MCM9: variants seen among roughly 807,000 people sequenced by gnomAD.
MCM9 encodes DNA helicase MCM9.
A neutral mutation model predicts 72.8 loss-of-function variants in MCM9; 55 were observed. That is an observed-to-expected ratio of 0.76 (90% confidence interval 0.61 to 0.95). The LOEUF is 0.95. Ranked by LOEUF, MCM9 falls within the 40% of genes least tolerant of loss-of-function variation. The pLI, the probability that MCM9 is intolerant of heterozygous loss-of-function variation, is 0.00. For missense variants in MCM9, 1,279 were observed against 1,377.0 expected, an observed-to-expected ratio of 0.93 and a Z score of 1.13; for synonymous variants, 480 against 503.4, an observed-to-expected ratio of 0.95 and a Z score of 0.62.
At chr6:118,907,596 C>G (rs768988715) in intron 8 of MCM9, 30 of 1,613,250 alleles carry the variant, frequency 1.9e-5, no homozygotes, top group Admixed American at 3.3e-5. Context: ...TGTTAGAATC[C>G]CACATGGACT....
intron 8 of MCM9, among the ~76,000 whole-genome samples, chr6:118,887,627 G>A (rs1778679727): frequency 6.6e-6 from 1 of 151,890 alleles, no homozygotes. Flanking sequence ...TAGATTAAAT[G>A]GGCATCATCA....
intron 9 of MCM9, among the ~76,000 whole-genome samples, chr6:118,839,563 A>T (rs1237618535): frequency 1.3e-5 from 2 of 152,128 alleles, no homozygotes; most frequent in East Asian, 3.9e-4. Flanking sequence ...TTGTGGATTT[A>T]TCTACCTACA....
chr6:118,930,182 C>T (rs1387883722), intron 3 of MCM9, among the ~76,000 whole-genome samples: 1 of 152,138 alleles, frequency 6.6e-6, no homozygotes, highest in Non-Finnish European at 1.5e-5. Context: ...GCGATCTCGG[C>T]TCACTGCAAG....
chr6:118,927,992 C>A (rs1267273509), intron 3 of MCM9, among the ~76,000 whole-genome samples: 1 of 152,226 alleles, frequency 6.6e-6, no homozygotes, highest in African/African-American at 2.4e-5. Flanking sequence ...CCTTTTGTGA[C>A]TGGCTTCCTG....
At position 118,815,920 on chromosome 6, in the gene MCM9, C is replaced by T. The variant is rs974602780; in HGVS notation, c.2336G>A (p.Ser779Asn). The change falls in exon 14 of 14, where the codon AGC (serine) becomes AAC (asparagine). Residue 779 changes from serine to asparagine, a missense_variant. Coordinates refer to ENST00000619706, the MANE Select transcript of MCM9 (RefSeq NM_017696.3). ...ACTCTTCTCCTTACCCTGAGATGTG[C>T]TGTTAGAGATCTTCGAAGCCATATT... ...GENMASKISN[S>N]TSQGKEKSEP... 6 of 1,547,924 alleles carry T rather than the reference C, an allele frequency of 3.9e-6. No individual in the cohort carries two copies.
intron 8 of MCM9, among the ~76,000 whole-genome samples, chr6:118,857,861 T>C (rs1776663583): frequency 6.6e-6 from 1 of 152,150 alleles, no homozygotes; most frequent in Non-Finnish European, 1.5e-5. Context: ...AAATTAAATA[T>C]TTAAAAACCT....
chr6:118,921,701 C>T (rs1351309579), intron 5 of MCM9: 1 of 220,892 alleles, frequency 4.5e-6, no homozygotes, highest in Non-Finnish European at 8.8e-6. Flanking sequence ...TGAAAAGAGC[C>T]TTAAATTAGA....
At chr6:118,890,177 A>G (rs1203404506) in intron 8 of MCM9, among the ~76,000 whole-genome samples, 1 of 152,122 alleles carries the variant, frequency 6.6e-6, no homozygotes, top group Non-Finnish European at 1.5e-5. Flanking sequence ...TTTGTTCCTC[A>G]AGAGTTCATT....
intron 9 of MCM9, among the ~76,000 whole-genome samples, chr6:118,832,484 A>G (rs143934428): frequency 6.6e-6 from 1 of 152,366 alleles, no homozygotes; most frequent in East Asian, 1.9e-4. Flanking sequence ...ACAAATAAAA[A>G]TAAATCTTTA....
Position 118,826,266 on chromosome 6 carries a change from A to AT in MCM9, c.1841dup (p.Asn614LysfsTer9). 3 of 1,550,368 alleles carry AT rather than the reference A, an allele frequency of 1.9e-6. No individual in the cohort carries two copies. The South Asian group carries it at 3.6e-5, about 18-fold the overall frequency. Reference sequence around the variant, plus strand: ...TTTCAGGAAAGGAAGTGTGGAGGGCATTCACACCTCCTAGCAGTGCACCTC... The same window carrying AT: ...TTTCAGGAAAGGAAGTGTGGAGGGCATTTCACACCTCCTAGCAGTGCACCTC... On this transcript the variant is annotated frameshift_variant, in exon 13 of 14. Transcript: ENST00000619706. LOFTEE classifies it high-confidence loss of function.
intron 6 of MCM9, among the ~76,000 whole-genome samples, chr6:118,913,756 C>A (rs186423762): frequency 6.6e-6 from 1 of 151,932 alleles, no homozygotes; most frequent in African/African-American, 2.4e-5. Flanking sequence ...TGCAGCACCA[C>A]GCCCAGCTAA....
rs1193025228 is a variant in MCM9, at chr6:118,856,385, A to C, written c.1311T>G (p.Ser437Arg). The C allele has an allele frequency of 1.3e-6, 2 of 1,534,574 alleles. No homozygotes were observed. The highest frequency in any genetic ancestry group is 4.9e-5 in the East Asian group (2 of 40,898). ...IHEAMEQQTISVAKAGLVCKL... is the reference protein window; with the variant it reads ...IHEAMEQQTIRVAKAGLVCKL... ...GAAACTCTTACCCAGCCTTAGCAAC[A>C]CTTATGGTTTGTTGCTCCATTGCTT... is the stretch of plus-strand genomic sequence containing the variant. Residue 437 changes from serine (S) to arginine (R), a missense_variant, in exon 9 of 14, where the codon AGT becomes AGG. Coordinates refer to ENST00000619706, the MANE Select transcript of MCM9 (RefSeq NM_017696.3).
chr6:118,869,069 G>C (rs1777410175), intron 8 of MCM9, among the ~76,000 whole-genome samples: 1 of 152,162 alleles, frequency 6.6e-6, no homozygotes, highest in Admixed American at 6.5e-5. Flanking sequence ...ATACACCATG[G>C]AATACTATGC....
At chr6:118,928,373 T>C (rs1445484768) in intron 3 of MCM9, among the ~76,000 whole-genome samples, 1 of 151,978 alleles carries the variant, frequency 6.6e-6, no homozygotes, top group African/African-American at 2.4e-5. Context: ...ATTGCACCTG[T>C]GCACTCCGGC....
intron 3 of MCM9, 123 bp downstream of exon 3, chr6:118,931,297 A>C (rs1271031818): frequency 4.8e-6 from 4 of 830,434 alleles, no homozygotes; most frequent in Admixed American, 5.9e-5. Context: ...GTGACCATCA[A>C]CTACACAACA....
intron 8 of MCM9, among the ~76,000 whole-genome samples, chr6:118,902,486 T>C (rs1040297504): frequency 2.0e-5 from 3 of 151,720 alleles, no homozygotes; most frequent in Admixed American, 1.3e-4. Flanking sequence ...TGATAATTCA[T>C]GATACAGTAA....
intron 8 of MCM9, among the ~76,000 whole-genome samples, chr6:118,902,041 A>G (rs1271373440): frequency 1.3e-5 from 2 of 152,236 alleles, no homozygotes; most frequent in African/African-American, 2.4e-5. Context: ...AAAGCAACAA[A>G]TAATTTACTG....
At chr6:118,925,221 C>A (rs1446975646) in intron 3 of MCM9, among the ~76,000 whole-genome samples, 1 of 152,108 alleles carries the variant, frequency 6.6e-6, no homozygotes, top group Non-Finnish European at 1.5e-5. Flanking sequence ...TAATTCCTAA[C>A]AGGTTTATTG....
chr6:118,882,964 A>G (rs1778384923), intron 8 of MCM9, among the ~76,000 whole-genome samples: 1 of 152,078 alleles, frequency 6.6e-6, no homozygotes, highest in South Asian at 2.1e-4. Flanking sequence ...TGGCCCACAC[A>G]CAGGGAGAAA....
Sources: allele counts gnomAD v4.1 joint callset (sites outside exome capture counted in the v4.1 genomes callset), GRCh38; gene constraint gnomAD v4.1.1; transcripts MANE v1.5; gene names NCBI Gene and HGNC (gene_info 2026-07-23, HGNC 2026-07-21).